Variants in ANKFN1 observed in about 807,000 individuals in gnomAD.
The protein encoded by ANKFN1 is ankyrin repeat and fibronectin type-III domain-containing protein 1.
A neutral mutation model predicts 108.7 loss-of-function variants in ANKFN1; 74 were observed. The ratio of observed to expected loss-of-function variants is 0.68; its 90% confidence interval spans 0.56 to 0.83. The LOEUF (loss-of-function observed/expected upper bound fraction) is 0.83, where lower values mean the gene tolerates loss of function less well. Ranked by LOEUF, ANKFN1 falls within the 40% of genes least tolerant of loss-of-function variation. The pLI is 0.00. For missense variants in ANKFN1, 1,505 were observed against 1,382.3 expected (o/e 1.09, Z -1.41); for synonymous variants, 547 against 516.2 (o/e 1.06, Z -0.81).
intron 20 of ANKFN1, 76 bp from the exon 21 acceptor site, chr17:56,510,397 T>C: frequency 8.0e-7 from 1 of 1,243,226 alleles, no homozygotes; most frequent in South Asian, 1.5e-5. Flanking sequence ...CGGGGTCAAA[T>C]GCACTGTTCC....
At chr17:56,163,647 GA>G (rs1430313387) in intron 1 of ANKFN1, among the ~76,000 whole-genome samples, 1 of 152,224 alleles carries the variant, frequency 6.6e-6, no homozygotes, top group Non-Finnish European at 1.5e-5. Flanking sequence ...TGAAAGTTTA[GA>G]GGTAGTTTAT....
At chr17:56,442,790 A>G in intron 9 of ANKFN1, 53 bp from the exon 10 acceptor site, 1 of 1,470,222 alleles carries the variant, frequency 6.8e-7, no homozygotes. Flanking sequence ...CATAGAGTCT[A>G]GGGTAAAAAT....
At chr17:56,181,729 T>C (rs55758153) in intron 1 of ANKFN1, among the ~76,000 whole-genome samples, 47,198 of 151,852 alleles carry the variant, frequency 0.31, 8,841 homozygotes, top group East Asian at 0.51. Context: ...TATATGTACG[T>C]ATATATGTTT....
In ANKFN1 at chr17:56,313,027, C is replaced by T. The variant is rs577393217; in HGVS notation, c.54-13194C>T. The stretch of plus-strand genomic sequence containing the variant: ...AAAATTAGCCAGGCATGGTGGTGGG[C>T]GCCTGTAATCCCAGCTATTCAGGAG... On this transcript the variant is annotated intron_variant, in intron 3 of 20. Coordinates refer to ENST00000682825, the MANE Select transcript of ANKFN1 (RefSeq NM_001370326.1). Among the ~76,000 whole-genome samples, 28 of 151,772 alleles carry T rather than the reference C, an allele frequency of 1.8e-4. No homozygotes were observed. The East Asian group carries it at 2.3e-3, about 13-fold the overall frequency.
chr17:56,398,436 G>C (rs193163139), intron 8 of ANKFN1, among the ~76,000 whole-genome samples: 230 of 152,226 alleles, frequency 1.5e-3, no homozygotes, highest in African/African-American at 5.0e-3. Context: ...ATGACCTTGA[G>C]TACAAAGGTC....
Position 56,516,929 on chromosome 17 carries a change from T to C in ANKFN1, c.*5660T>C, listed in dbSNP as rs2051933118. ...AAATATTTTTTATTCTTCATTAGATTTTTTGCTGTTTAAGGGACAGTTTCC... is the reference window on the plus strand; with the variant it reads ...AAATATTTTTTATTCTTCATTAGATCTTTTGCTGTTTAAGGGACAGTTTCC... On this transcript the variant is annotated 3_prime_UTR_variant, in exon 21 of 21. Coordinates refer to ENST00000682825, the MANE Select transcript of ANKFN1 (RefSeq NM_001370326.1). Among the ~76,000 whole-genome samples, 1 of 152,182 alleles carries C rather than the reference T, an allele frequency of 6.6e-6. No homozygotes were observed. The highest frequency in any genetic ancestry group is 6.5e-5 in the Admixed American group (1 of 15,282).
At chr17:56,272,492 G>A (rs2043818825) in intron 3 of ANKFN1, among the ~76,000 whole-genome samples, 1 of 152,102 alleles carries the variant, frequency 6.6e-6, no homozygotes, top group Non-Finnish European at 1.5e-5. Flanking sequence ...CCACATTATA[G>A]CATGTGTCAG....
At chr17:56,405,959 A>C (rs574983598) in intron 8 of ANKFN1, among the ~76,000 whole-genome samples, 4 of 152,144 alleles carry the variant, frequency 2.6e-5, no homozygotes, top group Non-Finnish European at 5.9e-5. Context: ...GGAATAAGGG[A>C]GTCTTATCTC....
At position 56,327,183 on chromosome 17, in the gene ANKFN1, C is replaced by T. The variant is rs114947739; in HGVS notation, c.188+828C>T. Among the ~76,000 whole-genome samples the T allele has an allele frequency of 2.5e-3, 388 of 152,222 alleles. 2 individuals are homozygous for T. The highest frequency in any genetic ancestry group is 8.5e-3 in the African/African-American group (354 of 41,540). ...CATACTCACTTGGTTTCTTCATTTC[C>T]TAAATAAGAGGTAGGCCAACCTCAG... On this transcript the variant is annotated intron_variant, in intron 4 of 20. Transcript: ENST00000682825.
chr17:56,199,267 CAAAAAAAA>C (rs35028021), intron 1 of ANKFN1, among the ~76,000 whole-genome samples: 4 of 128,784 alleles, frequency 3.1e-5, no homozygotes, highest in Admixed American at 1.6e-4. Flanking sequence ...ATTGCTGTTA[CAAAAAAAA>C]AAAAAAAAAG....
chr17:56,429,587 G>A (rs527451375), intron 8 of ANKFN1, among the ~76,000 whole-genome samples: 1 of 152,192 alleles, frequency 6.6e-6, no homozygotes, highest in Admixed American at 6.5e-5. Context: ...GCTGGATTTG[G>A]CCTACAGATC....
chr17:56,358,355 T>C (rs1459322868), intron 6 of ANKFN1, among the ~76,000 whole-genome samples: 1 of 152,140 alleles, frequency 6.6e-6, no homozygotes, highest in Non-Finnish European at 1.5e-5. Flanking sequence ...AAACCATTGG[T>C]CAGGCCTGTC....
chr17:56,199,950 G>T lies in ANKFN1; in HGVS notation c.-70-12648G>T, dbSNP rs556045434. ...GGATCACACATCTCTATGCACATTT[G>T]TCTATTATCATTTTGTTAATATTCT... On this transcript the variant is annotated intron_variant, in intron 1 of 20. Coordinates refer to ENST00000682825, the MANE Select transcript of ANKFN1 (RefSeq NM_001370326.1). 4.1e-4 allele frequency among the ~76,000 whole-genome samples: 62 copies of T among 152,174 alleles called. No homozygotes were observed. In the South Asian group the frequency reaches 0.012, roughly 31 times the overall value.
chr17:56,178,913 ATTAAG>A (rs1239807026), intron 1 of ANKFN1, among the ~76,000 whole-genome samples: 34 of 152,018 alleles, frequency 2.2e-4, no homozygotes, highest in Admixed American at 1.9e-3. Flanking sequence ...TATTATTAAT[ATTAAG>A]TTATTTTCTA....
At chr17:56,161,709 C>G (rs17674918) in intron 1 of ANKFN1, among the ~76,000 whole-genome samples, 2,376 of 151,306 alleles carry the variant, frequency 0.016, 26 homozygotes, top group Non-Finnish European at 0.026. Flanking sequence ...TTAAAAGAGA[C>G]CTAGACAAGG....
intron 4 of ANKFN1, among the ~76,000 whole-genome samples, chr17:56,090,277 A>G (rs182942951): frequency 4.2e-4 from 63 of 151,340 alleles, no homozygotes; most frequent in African/African-American, 1.5e-3. Context: ...TCTGCAATAG[A>G]GAAGAGCTGA....
chr17:56,391,291 A>T (rs1196247520), intron 8 of ANKFN1, among the ~76,000 whole-genome samples: 11 of 144,014 alleles, frequency 7.6e-5, no homozygotes, highest in Non-Finnish European at 1.5e-4. Context: ...GTATATGTAC[A>T]CACACACACA....
At chr17:56,499,147 T>C in intron 20 of ANKFN1, 49 bp downstream of exon 20, 2 of 1,500,668 alleles carry the variant, frequency 1.3e-6, no homozygotes, top group Non-Finnish European at 1.8e-6. Flanking sequence ...GGACTTTTGA[T>C]CCTCTCTTCA....
At chr17:56,213,698 T>C (rs1166369883) in intron 2 of ANKFN1, among the ~76,000 whole-genome samples, 1 of 152,234 alleles carries the variant, frequency 6.6e-6, no homozygotes, top group Non-Finnish European at 1.5e-5. Flanking sequence ...AAGACTAATA[T>C]GATCTCTGGT....
Sources: allele counts gnomAD v4.1 joint callset (sites outside exome capture counted in the v4.1 genomes callset), GRCh38; gene constraint gnomAD v4.1.1; transcripts MANE v1.5; gene names NCBI Gene and HGNC (gene_info 2026-07-23, HGNC 2026-07-21).